FGF2: variants seen among roughly 807,000 people sequenced by gnomAD.
The protein encoded by FGF2 is fibroblast growth factor 2.
In FGF2, 13 loss-of-function variants were observed where a neutral mutation model predicts 15.9. The observed-to-expected ratio is 0.82, with a 90% CI of 0.53 to 1.30. The LOEUF (loss-of-function observed/expected upper bound fraction) is 1.30. Ranked by LOEUF, FGF2 falls within the 50% of genes most tolerant of loss-of-function variation. The pLI, the probability that FGF2 is intolerant of heterozygous loss-of-function variation, is 0.00. For missense variants in FGF2, 163 were observed against 196.9 expected (o/e 0.83, Z 1.03); for synonymous variants, 90 against 78.4 (o/e 1.15, Z -0.78).
chr4:122,841,385 T>A (rs1349364291), intron 1 of FGF2, among the ~76,000 whole-genome samples: 1 of 152,256 alleles, frequency 6.6e-6, no homozygotes, highest in Non-Finnish European at 1.5e-5. Context: ...AGTCATGGCA[T>A]TTCTGCTATT....
At chr4:122,852,910 C>T (rs308441) in intron 1 of FGF2, among the ~76,000 whole-genome samples, 48,696 of 152,068 alleles carry the variant, frequency 0.32, 10,445 homozygotes, top group African/African-American at 0.61. Flanking sequence ...CAAGAACCTA[C>T]GGTATGTTTA....
chr4:122,879,183 T>A (rs1360762294), intron 2 of FGF2, among the ~76,000 whole-genome samples: 1 of 152,250 alleles, frequency 6.6e-6, no homozygotes, highest in Non-Finnish European at 1.5e-5. Flanking sequence ...GCCAATCTAT[T>A]GTCAGCTCAA....
chr4:122,827,519 TC>T lies in FGF2; in HGVS notation c.178+169del, dbSNP rs1725669150. Among the ~76,000 whole-genome samples the T allele has an allele frequency of 6.6e-6, 1 of 152,006 alleles. No individual in the cohort carries two copies. The highest frequency in any genetic ancestry group is 1.5e-5 in the Non-Finnish European group (1 of 67,994). ...GGTTTCGGGTTCACCACTCACCCCC[TC>T]CTTTCCGGGCTGCGGCGTAGGCCCG... On this transcript the variant is annotated intron_variant, in intron 1 of 2. Coordinates refer to ENST00000644866, the MANE Select transcript of FGF2 (RefSeq NM_001361665.2). The surrounding 1 kb of genome is among the most constrained non-coding windows in gnomAD (Gnocchi z 4.2).
At chr4:122,846,995 A>G (rs1021121014) in intron 1 of FGF2, among the ~76,000 whole-genome samples, 4 of 152,194 alleles carry the variant, frequency 2.6e-5, no homozygotes, top group African/African-American at 7.2e-5. Flanking sequence ...CCCGCGCATT[A>G]CAAGGGGCGC....
chr4:122,879,878 C>T (rs1726927058), intron 2 of FGF2, among the ~76,000 whole-genome samples: 1 of 152,168 alleles, frequency 6.6e-6, no homozygotes, highest in Non-Finnish European at 1.5e-5. Flanking sequence ...TGGGTCCTTC[C>T]CATAACACAT....
rs1725672644 is a variant in FGF2 at position 122,827,646 on chromosome 4, C to T, written c.178+294C>T. ...GGGCCTCGCGGACTGGCTGTCTTCC[C>T]GCGGACAACCTGTCGCGTCGGGGAT... On this transcript the variant is annotated intron_variant, in intron 1 of 2. Transcript: ENST00000644866. The surrounding 1 kb of genome is among the most constrained non-coding windows in gnomAD (Gnocchi z 4.2). 6.6e-6 allele frequency among the ~76,000 whole-genome samples: 1 copy of T among 152,168 alleles called. No homozygotes were observed. The highest frequency in any genetic ancestry group is 1.5e-5 in the Non-Finnish European group (1 of 68,028).
chr4:122,854,305 C>T (rs1726293883), intron 1 of FGF2, among the ~76,000 whole-genome samples: 1 of 152,188 alleles, frequency 6.6e-6, no homozygotes, highest in African/African-American at 2.4e-5. Context: ...TTTCCAAAAA[C>T]ACAATATTTT....
intron 1 of FGF2, among the ~76,000 whole-genome samples, chr4:122,841,598 AAAAT>A (rs1725985118): frequency 6.6e-6 from 1 of 152,220 alleles, no homozygotes; most frequent in African/African-American, 2.4e-5. Flanking sequence ...TAAAAGAAAA[AAAAT>A]AAAGGTGATA....
chr4:122,879,230 CA>C (rs1560755123), intron 2 of FGF2, among the ~76,000 whole-genome samples: 1 of 152,194 alleles, frequency 6.6e-6, no homozygotes. Context: ...ACCAAAGTAG[CA>C]TTTTAAATAT....
chr4:122,861,044 A>G (rs1726453750), intron 1 of FGF2, among the ~76,000 whole-genome samples: 1 of 152,174 alleles, frequency 6.6e-6, no homozygotes, highest in Admixed American at 6.5e-5. Flanking sequence ...ACTAGCTCGT[A>G]CTGACCACTC....
At chr4:122,846,531 A>G (rs1184416339) in intron 1 of FGF2, among the ~76,000 whole-genome samples, 1 of 152,230 alleles carries the variant, frequency 6.6e-6, no homozygotes, top group East Asian at 1.9e-4. Context: ...TGCTGAAAAT[A>G]TTAGTCCATT....
rs938553785 is a variant in FGF2 at position 122,830,433 on chromosome 4, A to C, written c.178+3081A>C. Among the ~76,000 whole-genome samples the C allele has an allele frequency of 2.0e-5, 3 of 152,274 alleles. No homozygotes were observed. In the East Asian group the frequency reaches 5.8e-4, roughly 29 times the overall value. On this transcript the variant is annotated intron_variant, in intron 1 of 2. Coordinates refer to ENST00000644866, the MANE Select transcript of FGF2 (RefSeq NM_001361665.2). ...TTGCTGAAGGTCAACTGTGCTTCACACCTGGGCATTCTCCTGAATTTGCAC... is the reference window on the plus strand; with the variant it reads ...TTGCTGAAGGTCAACTGTGCTTCACCCCTGGGCATTCTCCTGAATTTGCAC...
intron 1 of FGF2, among the ~76,000 whole-genome samples, chr4:122,842,472 CA>C: frequency 6.6e-6 from 1 of 152,270 alleles, no homozygotes; most frequent in South Asian, 2.1e-4. Flanking sequence ...AACCACATGA[CA>C]GTGAAAATGA....
intron 1 of FGF2, among the ~76,000 whole-genome samples, chr4:122,835,416 CA>C (rs1170837295): frequency 1.3e-5 from 2 of 151,776 alleles, no homozygotes; most frequent in Admixed American, 1.3e-4. Flanking sequence ...TGTATTCCTT[CA>C]GAAGATCATG....
rs762917513 is a variant in FGF2, at chr4:122,876,390, T to C, written c.248T>C (p.Leu83Pro). The change falls in exon 2 of 3, where the codon CTG becomes CCG. Residue 83 changes from leucine to proline, a missense_variant. Coordinates refer to ENST00000644866, the MANE Select transcript of FGF2 (RefSeq NM_001361665.2). The stretch of plus-strand genomic sequence containing the variant: ...AAAGGAGTGTGTGCTAACCGTTACC[T>C]GGCTATGAAGGAAGATGGAAGATTA... The part of the protein sequence containing the change: ...SIKGVCANRY[L>P]AMKEDGRLLA... The C allele has an allele frequency of 3.1e-6, 5 of 1,613,006 alleles. No homozygotes were observed. The highest frequency in any genetic ancestry group is 3.4e-6 in the Non-Finnish European group (4 of 1,179,026).
chr4:122,898,137 T>TAATAAGAG lies in FGF2; in HGVS notation c.*5741_*5742insAATAAGAG, dbSNP rs1491461073. 1 of 153,922 alleles carries TAATAAGAG rather than the reference T, an allele frequency of 6.5e-6. No homozygotes were observed. Among genetic ancestry groups the TAATAAGAG allele is most frequent in the Non-Finnish European group, 1.4e-5 (1 of 69,092 alleles). 9.5% of individuals were successfully genotyped at this position (153,922 alleles called of 1,614,324 possible). On this transcript the variant is annotated 3_prime_UTR_variant, in exon 3 of 3. Coordinates refer to ENST00000644866, the MANE Select transcript of FGF2 (RefSeq NM_001361665.2). Reference sequence around the variant, plus strand: ...TTTCTAATCAGATGTATTACTCTTATTATTTCTATTGTATGTGTTAATGAT... The same window carrying TAATAAGAG: ...TTTCTAATCAGATGTATTACTCTTATAATAAGAGTATTTCTATTGTATGTGTTAATGAT...
At chr4:122,879,470 T>C (rs1428203402) in intron 2 of FGF2, among the ~76,000 whole-genome samples, 3 of 152,224 alleles carry the variant, frequency 2.0e-5, no homozygotes, top group Non-Finnish European at 4.4e-5. Context: ...ACAGCACTAA[T>C]AAAATGGTTT....
intron 2 of FGF2, among the ~76,000 whole-genome samples, chr4:122,885,556 A>C (rs1357616838): frequency 6.6e-6 from 1 of 152,192 alleles, no homozygotes; most frequent in African/African-American, 2.4e-5. Context: ...TTAGTTTTAC[A>C]ATGGTATTAG....
chr4:122,843,539 C>T (rs779923263), intron 1 of FGF2, among the ~76,000 whole-genome samples: 1 of 151,980 alleles, frequency 6.6e-6, no homozygotes, highest in African/African-American at 2.4e-5. Flanking sequence ...GTGAAGCTGG[C>T]GGCAGGGAGT....
Sources: allele counts gnomAD v4.1 joint callset (sites outside exome capture counted in the v4.1 genomes callset), GRCh38; gene constraint gnomAD v4.1.1; non-coding constraint Gnocchi (gnomAD v3.1); transcripts MANE v1.5; gene names NCBI Gene and HGNC (gene_info 2026-07-23, HGNC 2026-07-21).